The following KIF3A variants were observed in gnomAD, a reference collection of about 807,000 sequenced individuals.
KIF3A encodes kinesin family member 3A, also known as kinesin-like protein KIF3A.
In KIF3A, 27 loss-of-function variants were observed where a neutral mutation model predicts 92.6. That is an observed-to-expected ratio of 0.29 (90% CI 0.21 to 0.40). The LOEUF (loss-of-function observed/expected upper bound fraction) is 0.40, where lower values mean the gene tolerates loss of function less well. Ranked by LOEUF, KIF3A falls within the 10% of genes least tolerant of loss-of-function variation. The pLI is 1.00. For synonymous variants in KIF3A, 250 were observed against 275.4 expected (o/e 0.91, Z 0.92); for missense variants, 581 against 872.6 (o/e 0.67, Z 4.21).
At position 132,716,354 on chromosome 5, in the gene KIF3A, T is replaced by C; in HGVS notation, c.845A>G (p.Asn282Ser). The change falls in exon 7 of 19, where the codon AAT becomes AGT. Residue 282 changes from asparagine to serine, a missense_variant. This residue lies in a region of KIF3A where 40 missense variants were observed against 107.0 expected (regional missense o/e 0.37). Coordinates refer to ENST00000403231, the MANE Select transcript of KIF3A (RefSeq NM_001300791.2). The stretch of plus-strand genomic sequence containing the variant: ...TCCATCAACCAAGGCAGAAATTACA[T>C]TACCAAGGGTGGAAAGTGAAAGATT... ...KINLSLSTLGNVISALVDGKS... is the reference protein window; with the variant it reads ...KINLSLSTLGSVISALVDGKS... 6.2e-7 allele frequency: 1 copy of C among 1,613,986 alleles called. No homozygotes were observed. Among genetic ancestry groups the C allele is most frequent in the Non-Finnish European group, 8.5e-7 (1 of 1,179,872 alleles).
chr5:132,716,472 T>TA (rs751142612), intron 6 of KIF3A, 30 bp from the exon 7 acceptor site: 8 of 1,553,442 alleles, frequency 5.1e-6, no homozygotes, highest in Non-Finnish European at 7.0e-6. Context: ...AAAGTAAAGC[T>TA]AAAATTTTTT....
intron 11 of KIF3A, among the ~76,000 whole-genome samples, chr5:132,705,597 G>T (rs190688741): frequency 7.4e-4 from 112 of 152,028 alleles, no homozygotes; most frequent in African/African-American, 2.6e-3. Flanking sequence ...AACCATTCAG[G>T]TATGTTTCCA....
chr5:132,712,215 C>T (rs1008093152), intron 8 of KIF3A, among the ~76,000 whole-genome samples: 1 of 152,110 alleles, frequency 6.6e-6, no homozygotes, highest in Non-Finnish European at 1.5e-5. Context: ...ACAGAAGGGA[C>T]CAGAGAGAAG....
At chr5:132,716,008 C>T in intron 7 of KIF3A, 77 bp from the exon 8 acceptor site, 2 of 1,107,986 alleles carry the variant, frequency 1.8e-6, no homozygotes, top group Non-Finnish European at 2.6e-6. Flanking sequence ...ACAAATACAT[C>T]AAAAACATTT....
At chr5:132,721,155 G>A (rs565425191) in intron 4 of KIF3A, among the ~76,000 whole-genome samples, 4 of 152,018 alleles carry the variant, frequency 2.6e-5, no homozygotes, top group Non-Finnish European at 5.9e-5. Context: ...CAGGAAACAG[G>A]GAAAAATAGG....
intron 10 of KIF3A, among the ~76,000 whole-genome samples, chr5:132,707,238 A>T (rs1480732388): frequency 1.3e-5 from 2 of 152,110 alleles, no homozygotes; most frequent in African/African-American, 4.8e-5. Flanking sequence ...AATTATAAAC[A>T]ATGATTCTAC....
chr5:132,719,285 T>C (rs570151134), intron 5 of KIF3A, among the ~76,000 whole-genome samples: 3 of 152,212 alleles, frequency 2.0e-5, no homozygotes, highest in Admixed American at 6.5e-5. Context: ...CACATACTTA[T>C]TGCTGTGCTT....
At chr5:132,734,879 GAGA>G in intron 1 of KIF3A, among the ~76,000 whole-genome samples, 1 of 152,076 alleles carries the variant, frequency 6.6e-6, no homozygotes, top group East Asian at 1.9e-4. Context: ...TGTTTCCCCT[GAGA>G]CTTTAGTTTT....
chr5:132,726,620 G>T, intron 2 of KIF3A, 122 bp from the exon 3 acceptor site: 1 of 852,078 alleles, frequency 1.2e-6, no homozygotes, highest in Non-Finnish European at 1.8e-6. Context: ...ATTTATTCTA[G>T]CACAAGTTTC....
intron 2 of KIF3A, among the ~76,000 whole-genome samples, chr5:132,727,541 G>A (rs1240669018): frequency 2.6e-5 from 4 of 152,186 alleles, no homozygotes; most frequent in African/African-American, 9.7e-5. Flanking sequence ...GGACTGAAAT[G>A]AGACCAGAAT....
Position 132,737,479 on chromosome 5 carries a change from G to A in KIF3A, c.-60C>T, listed in dbSNP as rs1193947141. The stretch of plus-strand genomic sequence containing the variant: ...CCCGGGGTGCAGCCCAGCGACACCG[G>A]GTGCGCAGAAAGGATGGCCAGAGAC... On this transcript the variant is annotated 5_prime_UTR_variant, in exon 1 of 19. Transcript: ENST00000403231. The A allele has an allele frequency of 1.9e-6, 3 of 1,588,112 alleles. No individual in the cohort carries two copies. The highest frequency in any genetic ancestry group is 2.7e-5 in the African/African-American group (2 of 73,360).
rs956817826 is a variant in KIF3A, at chr5:132,694,729, C to A, written c.*1905G>T. 2 of 152,238 alleles carry A rather than the reference C, an allele frequency of 1.3e-5. No individual in the cohort carries two copies. The highest frequency in any genetic ancestry group is 4.8e-5 in the African/African-American group (2 of 41,420). The allele number at this position is 152,238 out of a possible 1,614,324, so 9.4% of individuals were successfully genotyped here. On this transcript the variant is annotated 3_prime_UTR_variant, in exon 19 of 19. Coordinates refer to ENST00000403231, the MANE Select transcript of KIF3A (RefSeq NM_001300791.2). The stretch of plus-strand genomic sequence containing the variant: ...TTTATAATTACCAAAATATTCTGAT[C>A]ACACAAAGCTTTTACAAGACACATA...
Position 132,716,830 on chromosome 5 carries a change from T to C in KIF3A, c.756+15A>G, listed in dbSNP as rs771195437. The C allele has an allele frequency of 3.7e-6, 6 of 1,611,628 alleles. No individual in the cohort carries two copies. The South Asian group carries it at 4.4e-5, about 12-fold the overall frequency. On this transcript the variant is annotated intron_variant, in intron 6 of 18. Transcript: ENST00000403231. ...CAAGAAAGAGTTATTCCTTAAGCAG[T>C]GTCCTGTTACTTACAGCAAGATCTA...
At chr5:132,733,428 G>C (rs1330091191) in intron 2 of KIF3A, among the ~76,000 whole-genome samples, 1 of 152,124 alleles carries the variant, frequency 6.6e-6, no homozygotes, top group East Asian at 1.9e-4. Context: ...TGCAATACTT[G>C]TACACTAAAA....
chr5:132,726,773 T>C (rs557860088), intron 2 of KIF3A, among the ~76,000 whole-genome samples: 2 of 152,348 alleles, frequency 1.3e-5, no homozygotes, highest in South Asian at 2.1e-4. Flanking sequence ...TATCTAATTA[T>C]GAGACATTTC....
intron 1 of KIF3A, among the ~76,000 whole-genome samples, 194 bp downstream of exon 1, chr5:132,737,220 T>G (rs1203912571): frequency 1.3e-5 from 2 of 152,178 alleles, no homozygotes; most frequent in Non-Finnish European, 1.5e-5. Flanking sequence ...CCCAGGTCCC[T>G]GTCGAGGCCG....
intron 14 of KIF3A, among the ~76,000 whole-genome samples, 159 bp downstream of exon 14, chr5:132,702,399 T>C (rs1753070471): frequency 6.6e-6 from 1 of 152,196 alleles, no homozygotes; most frequent in South Asian, 2.1e-4. Context: ...AAAGAAACAA[T>C]TTAGACTAAT....
At chr5:132,696,721 C>T in intron 18 of KIF3A, 39 bp from the exon 19 acceptor site, 1 of 1,488,260 alleles carries the variant, frequency 6.7e-7, no homozygotes, top group Non-Finnish European at 9.4e-7. Flanking sequence ...GAATGCTTTC[C>T]TAAAAGACTG....
downstream of KIF3A, chr5:132,689,730 G>A (rs557508227): frequency 7.9e-5 from 12 of 152,344 alleles, no homozygotes; most frequent in African/African-American, 2.9e-4. Flanking sequence ...CATAGCTCCA[G>A]AACTCAATTG....
Sources: gnomAD v4.1 joint callset for allele counts (sites outside exome capture counted in the v4.1 genomes callset) on GRCh38, gnomAD v4.1.1 for gene constraint, gnomAD v4.1.1 regional missense constraint, MANE v1.5 for transcripts, NCBI Gene and HGNC (gene_info 2026-07-23, HGNC 2026-07-21) for gene names.